Variants in RAB14 observed in about 807,000 individuals in gnomAD.
RAB14 encodes the protein ras-related protein Rab-14.
Under a neutral mutation model 31.1 loss-of-function variants are expected in RAB14, and 3 were observed. The ratio of observed to expected loss-of-function variants is 0.10; its 90% CI spans 0.04 to 0.25. The LOEUF (loss-of-function observed/expected upper bound fraction) is 0.25, where lower values mean the gene tolerates loss of function less well. Among genes scored for constraint, RAB14 ranks in the 10% least tolerant of loss-of-function variants. RAB14 has a pLI of 1.00. For synonymous variants in RAB14, 85 were observed against 84.9 expected (o/e 1.00, Z 0.00); for missense variants, 111 against 260.1 (o/e 0.43, Z 3.94).
chr9:121,200,073 A>G (rs765381962), intron 1 of RAB14, among the ~76,000 whole-genome samples: 1 of 152,264 alleles, frequency 6.6e-6, no homozygotes, highest in African/African-American at 2.4e-5. Flanking sequence ...CCCTTTATAG[A>G]TAAGGACACT....
chr9:121,190,793 G>C (rs2053682273), intron 3 of RAB14, 62 bp from the exon 4 acceptor site: 2 of 1,522,622 alleles, frequency 1.3e-6, no homozygotes, highest in Admixed American at 3.5e-5. Context: ...AAGCCTAGAG[G>C]GGGAAAATCC....
rs2053619838 is a variant in RAB14, at chr9:121,179,315, C to T, written c.*2081G>A. On this transcript the variant is annotated 3_prime_UTR_variant, in exon 8 of 8. Transcript: ENST00000373840. Reference sequence around the variant, plus strand: ...TTTTAATTTAATCTAGATACAGGTACTTTATTTACAAATATTTAGATTAAT... The same window carrying T: ...TTTTAATTTAATCTAGATACAGGTATTTTATTTACAAATATTTAGATTAAT... 6.6e-6 allele frequency: 1 copy of T among 152,608 alleles called. No homozygotes were observed. Among genetic ancestry groups the T allele is most frequent in the Non-Finnish European group, 1.5e-5 (1 of 68,036 alleles). The allele number at this position is 152,608 out of a possible 1,614,324, so 9.5% of individuals were successfully genotyped here.
chr9:121,185,462 G>A (rs1427415187), intron 5 of RAB14, among the ~76,000 whole-genome samples: 3 of 151,934 alleles, frequency 2.0e-5, no homozygotes, highest in African/African-American at 7.3e-5. Context: ...TTTATCTCAG[G>A]TGCAGATCTC....
At chr9:121,187,503 C>T (rs1467254001) in intron 4 of RAB14, among the ~76,000 whole-genome samples, 1 of 152,062 alleles carries the variant, frequency 6.6e-6, no homozygotes, top group East Asian at 1.9e-4. Flanking sequence ...AGCTGGCATA[C>T]AATTCACCTT....
intron 7 of RAB14, among the ~76,000 whole-genome samples, chr9:121,182,637 A>G (rs1327840839): frequency 6.6e-6 from 1 of 152,244 alleles, no homozygotes; most frequent in Non-Finnish European, 1.5e-5. Flanking sequence ...AAAGTCAAAC[A>G]CTGTCATTTG....
intron 2 of RAB14, among the ~76,000 whole-genome samples, chr9:121,192,952 T>G (rs934623768): frequency 1.3e-5 from 2 of 152,150 alleles, no homozygotes; most frequent in African/African-American, 4.8e-5. Context: ...AGAAAAATAC[T>G]ATATTTTATA....
rs2053613173 is a variant in RAB14 at position 121,178,695 on chromosome 9, AAAAT to A, written c.*2697_*2700del. Reference sequence around the variant, plus strand: ...TAACGTGTAAACCACCAACCAAAAAAAAATAATAAGTTACTCCATCAAACACGTT... The same window carrying A: ...TAACGTGTAAACCACCAACCAAAAAAAATAAGTTACTCCATCAAACACGTT... On this transcript the variant is annotated 3_prime_UTR_variant, in exon 8 of 8. Coordinates refer to ENST00000373840, the MANE Select transcript of RAB14 (RefSeq NM_016322.4). The A allele has an allele frequency of 6.6e-6, 1 of 152,374 alleles. No homozygotes were observed. Among genetic ancestry groups the A allele is most frequent in the African/African-American group, 2.4e-5 (1 of 41,422 alleles). 9.4% of individuals were successfully genotyped at this position (152,374 alleles called of 1,614,324 possible). A position where few individuals can be genotyped will look rare whatever the true frequency, so the allele number is the denominator to read the frequency against.
At position 121,190,596 on chromosome 9, in the gene RAB14, T is replaced by C; in HGVS notation, c.242A>G (p.Tyr81Cys). 6.2e-7 allele frequency: 1 copy of C among 1,613,274 alleles called. No individual in the cohort carries two copies. The highest frequency in any genetic ancestry group is 8.5e-7 in the Non-Finnish European group (1 of 1,179,530). Residue 81 changes from tyrosine (Y) to cysteine (C), a missense_variant, in exon 4 of 8, where the codon TAC becomes TGC. Coordinates refer to ENST00000373840, the MANE Select transcript of RAB14 (RefSeq NM_016322.4). ...ERFRAVTRSY[Y>C]RGAAGALMVY... ...CATAAGAGCTCCCGCAGCTCCTCTG[T>C]AGTAGCTCCGTGTAACAGCCCTAAA...
At chr9:121,186,297 G>A (rs1361877242) in intron 5 of RAB14, among the ~76,000 whole-genome samples, 1 of 152,002 alleles carries the variant, frequency 6.6e-6, no homozygotes, top group Non-Finnish European at 1.5e-5. Flanking sequence ...TTTCTAATTC[G>A]TGCTTCAATC....
At position 121,178,947 on chromosome 9, in the gene RAB14, C is replaced by T. The variant is rs1477698693; in HGVS notation, c.*2449G>A. ...CCCGGTGTCTGGCACACGCATGTTA[C>T]AATATGACAATCTGCTCTATTTGTG... On this transcript the variant is annotated 3_prime_UTR_variant, in exon 8 of 8. Coordinates refer to ENST00000373840, the MANE Select transcript of RAB14 (RefSeq NM_016322.4). 1 of 152,162 alleles carries T rather than the reference C, an allele frequency of 6.6e-6. No individual in the cohort carries two copies. The highest frequency in any genetic ancestry group is 6.5e-5 in the Admixed American group (1 of 15,278). The allele number at this position is 152,162 out of a possible 1,614,324, so 9.4% of individuals were successfully genotyped here.
chr9:121,184,074 C>T (rs185749484), intron 5 of RAB14, among the ~76,000 whole-genome samples: 145 of 152,310 alleles, frequency 9.5e-4, no homozygotes, highest in African/African-American at 3.3e-3. Context: ...CTGAAGGTCA[C>T]TCAGTGAGTC....
Position 121,201,828 on chromosome 9 carries a change from C to A in RAB14, c.-197G>T, listed in dbSNP as rs1200117508. On this transcript the variant is annotated 5_prime_UTR_variant, in exon 1 of 8. Transcript: ENST00000373840. ...GCAGTAGCAGTGGCAGCGGTGACTGCTCCTGTGCTCCCTCAGTATCTTCCT... is the reference window on the plus strand; with the variant it reads ...GCAGTAGCAGTGGCAGCGGTGACTGATCCTGTGCTCCCTCAGTATCTTCCT... 6.6e-6 allele frequency: 1 copy of A among 152,412 alleles called. No homozygotes were observed. The highest frequency in any genetic ancestry group is 1.5e-5 in the Non-Finnish European group (1 of 68,210). The allele number at this position is 152,412 out of a possible 1,614,324, so 9.4% of individuals were successfully genotyped here. A position where few individuals can be genotyped will look rare whatever the true frequency, so the allele number is the denominator to read the frequency against.
chr9:121,185,291 A>C (rs1046357160), intron 5 of RAB14, among the ~76,000 whole-genome samples: 6 of 152,160 alleles, frequency 3.9e-5, no homozygotes, highest in Non-Finnish European at 5.9e-5. Flanking sequence ...GGTCCTGTGT[A>C]CCCTTCACCA....
chr9:121,186,188 C>A (rs1248663534), intron 5 of RAB14, among the ~76,000 whole-genome samples: 2 of 152,142 alleles, frequency 1.3e-5, no homozygotes, highest in Non-Finnish European at 2.9e-5. Context: ...TTCACTCACC[C>A]CTCAAGGACC....
intron 1 of RAB14, among the ~76,000 whole-genome samples, chr9:121,193,745 C>CA (rs548798532): frequency 7.5e-4 from 114 of 151,980 alleles, no homozygotes; most frequent in African/African-American, 2.5e-3. Flanking sequence ...AATTGTCAAA[C>CA]AAAAAAATCT....
chr9:121,182,041 C>G (rs2053636402), intron 7 of RAB14, among the ~76,000 whole-genome samples: 1 of 152,096 alleles, frequency 6.6e-6, no homozygotes, highest in Non-Finnish European at 1.5e-5. Flanking sequence ...CCACCACACC[C>G]GGCCGGAAAA....
rs2053611454 is a variant in RAB14, at chr9:121,178,538, C to CACTT, written c.*2854_*2857dup. 6.6e-6 allele frequency: 1 copy of CACTT among 152,518 alleles called. No homozygotes were observed. Among genetic ancestry groups the CACTT allele is most frequent in the East Asian group, 1.9e-4 (1 of 5,198 alleles). 9.4% of individuals were successfully genotyped at this position (152,518 alleles called of 1,614,324 possible). A position where few individuals can be genotyped will look rare whatever the true frequency, so the allele number is the denominator to read the frequency against. On this transcript the variant is annotated 3_prime_UTR_variant, in exon 8 of 8. Coordinates refer to ENST00000373840, the MANE Select transcript of RAB14 (RefSeq NM_016322.4). ...TGAACCACTCATTTTTTTAAAATCA[C>CACTT]ACTTAAAAGACACATGGGCAAAAAA...
chr9:121,181,652 A>C (rs2053633645), intron 7 of RAB14, 79 bp from the exon 8 acceptor site: 1 of 1,177,116 alleles, frequency 8.5e-7, no homozygotes, highest in South Asian at 1.6e-5. Context: ...GCTAATCTTT[A>C]GTTAACTGCC....
intron 1 of RAB14, among the ~76,000 whole-genome samples, chr9:121,195,950 T>G (rs1254689953): frequency 6.6e-6 from 1 of 152,196 alleles, no homozygotes; most frequent in African/African-American, 2.4e-5. Context: ...AGGCTTAATG[T>G]TGCTTTAACA....
Sources: gnomAD v4.1 joint callset for allele counts (sites outside exome capture counted in the v4.1 genomes callset) on GRCh38, gnomAD v4.1.1 for gene constraint, MANE v1.5 for transcripts, NCBI Gene and HGNC (gene_info 2026-07-23, HGNC 2026-07-21) for gene names.